The following GLI2 variants were observed in gnomAD, a reference collection of about 807,000 sequenced individuals.
GLI2 encodes transcription activator GLI2.
Under a neutral mutation model 78.9 loss-of-function variants are expected in GLI2, and 22 were observed. The observed-to-expected ratio is 0.28, with a 90% CI of 0.20 to 0.40. The LOEUF (loss-of-function observed/expected upper bound fraction) is 0.40. GLI2 is among the 10% of genes least tolerant of loss of function. The pLI, the probability that GLI2 is intolerant of heterozygous loss-of-function variation, is 1.00. For missense variants in GLI2, 2,097 were observed against 2,213.2 expected (o/e 0.95, Z 1.05); for synonymous variants, 974 against 963.7 (o/e 1.01, Z -0.20).
intron 2 of GLI2, among the ~76,000 whole-genome samples, chr2:120,841,703 G>A (rs1686879013): frequency 6.6e-6 from 1 of 152,264 alleles, no homozygotes; most frequent in Non-Finnish European, 1.5e-5. Context: ...CAGGACAGAG[G>A]AGAACTGGAC....
intron 1 of GLI2, among the ~76,000 whole-genome samples, chr2:120,789,842 C>T (rs116234995): frequency 4.8e-4 from 73 of 152,360 alleles, no homozygotes; most frequent in African/African-American, 1.4e-3. Flanking sequence ...GGGGAGCTTA[C>T]TTATCCTCTC....
At chr2:120,926,305 GGC>G (rs1679672751) in intron 2 of GLI2, among the ~76,000 whole-genome samples, 1 of 152,218 alleles carries the variant, frequency 6.6e-6, no homozygotes, top group Non-Finnish European at 1.5e-5. Flanking sequence ...GGGAGGCCGA[GGC>G]AGATGGAGGT....
intron 2 of GLI2, among the ~76,000 whole-genome samples, chr2:120,806,091 G>T (rs1365406831): frequency 6.6e-6 from 1 of 152,170 alleles, no homozygotes; most frequent in Admixed American, 6.5e-5. Context: ...CCTGTTTCCT[G>T]CATTCTGTTA....
At position 120,758,496 on chromosome 2, in the gene GLI2, G is replaced by A. The variant is rs754772785; in HGVS notation, c.-31+22211G>A. On this transcript the variant is annotated intron_variant, in intron 1 of 13. Transcript: ENST00000361492. ...CAGGACCGAGGACCCTCTCTTGTGA[G>A]GGAGTGCTGGGGCCTAGGCACAGAT... Among the ~76,000 whole-genome samples, 47 of 152,352 alleles carry A rather than the reference G, an allele frequency of 3.1e-4. No individual in the cohort carries two copies. In the Middle Eastern group the frequency reaches 0.01, roughly 33 times the overall value.
intron 2 of GLI2, among the ~76,000 whole-genome samples, chr2:120,926,992 C>T (rs1573614916): frequency 6.6e-6 from 1 of 152,346 alleles, no homozygotes; most frequent in Middle Eastern, 3.4e-3. Context: ...TGGAGCCACA[C>T]GCAGCCAGGG....
chr2:120,880,249 T>C (rs1240719707), intron 2 of GLI2, among the ~76,000 whole-genome samples: 1 of 152,198 alleles, frequency 6.6e-6, no homozygotes, highest in East Asian at 1.9e-4. Flanking sequence ...TCCAGATGCT[T>C]TGTTTTCTCT....
Position 120,943,931 on chromosome 2 carries a change from C to T in GLI2, c.255-7312C>T, listed in dbSNP as rs116124756. ...TTCTCTCACACCTTAAGGAACATGC[C>T]GGTTCTTGCCCCCACACCTTGGCTC... On this transcript the variant is annotated intron_variant, in intron 3 of 13. Transcript: ENST00000361492. Among the ~76,000 whole-genome samples, 889 of 152,254 alleles carry T rather than the reference C, an allele frequency of 5.8e-3. 8 individuals carry two copies. Among genetic ancestry groups the T allele is most frequent in the African/African-American group, 0.021 (866 of 41,534 alleles).
chr2:120,790,730 G>T lies in GLI2; in HGVS notation c.-30-6561G>T, dbSNP rs74563023. 7.4e-3 allele frequency among the ~76,000 whole-genome samples: 1,125 copies of T among 152,272 alleles called. 7 individuals are homozygous for T. Among genetic ancestry groups the T allele is most frequent in the Non-Finnish European group, 0.013 (878 of 68,020 alleles). On this transcript the variant is annotated intron_variant, in intron 1 of 13. Coordinates refer to ENST00000361492, the MANE Select transcript of GLI2 (RefSeq NM_001374353.1). ...TGGGGCTCTGCAGAGCTGTTATCCT[G>T]CTGGGCCCTAGTGAAGCCATGGCAG...
intron 3 of GLI2, among the ~76,000 whole-genome samples, chr2:120,933,342 C>T (rs1231157957): frequency 1.3e-5 from 2 of 152,188 alleles, no homozygotes; most frequent in African/African-American, 4.8e-5. Flanking sequence ...TCACCACCCA[C>T]CCGTGGACTC....
At chr2:120,780,232 C>T (rs535838357) in intron 1 of GLI2, among the ~76,000 whole-genome samples, 2 of 152,188 alleles carry the variant, frequency 1.3e-5, no homozygotes, top group Admixed American at 6.5e-5. Flanking sequence ...AGCTGGAAGG[C>T]AGACTCCTTT....
chr2:120,764,161 C>T (rs995007196), intron 1 of GLI2, among the ~76,000 whole-genome samples: 1 of 152,210 alleles, frequency 6.6e-6, no homozygotes, highest in African/African-American at 2.4e-5. Flanking sequence ...AGGCTCTGCC[C>T]TGATGGCACT....
At chr2:120,892,550 C>A (rs1034348303) in intron 2 of GLI2, among the ~76,000 whole-genome samples, 1 of 152,194 alleles carries the variant, frequency 6.6e-6, no homozygotes, top group Admixed American at 6.5e-5. Context: ...CCTCTCCTGC[C>A]GCCACCTCCT....
chr2:120,746,133 G>A (rs969630403), intron 1 of GLI2, among the ~76,000 whole-genome samples: 4 of 152,204 alleles, frequency 2.6e-5, no homozygotes, highest in Non-Finnish European at 4.4e-5. Context: ...ATCTCTCTCC[G>A]TCTTCAAGGG....
At chr2:120,797,917 A>G (rs1244326458) in intron 2 of GLI2, among the ~76,000 whole-genome samples, 2 of 152,146 alleles carry the variant, frequency 1.3e-5, no homozygotes, top group Non-Finnish European at 1.5e-5. Context: ...GGGATTTACT[A>G]TCTTAGGTGA....
chr2:120,840,974 A>G (rs1195036931), intron 2 of GLI2, among the ~76,000 whole-genome samples: 1 of 152,136 alleles, frequency 6.6e-6, no homozygotes, highest in East Asian at 1.9e-4. Flanking sequence ...ATCTGGCCCT[A>G]CGTGGCCTCT....
At chr2:120,938,187 C>G (rs1369384383) in intron 3 of GLI2, among the ~76,000 whole-genome samples, 4 of 152,166 alleles carry the variant, frequency 2.6e-5, no homozygotes, top group Non-Finnish European at 5.9e-5. Flanking sequence ...AGGGCCTCCT[C>G]CCCGGACCCA....
intron 1 of GLI2, among the ~76,000 whole-genome samples, chr2:120,775,913 G>T (rs1212347646): frequency 6.6e-6 from 1 of 152,240 alleles, no homozygotes; most frequent in Non-Finnish European, 1.5e-5. Context: ...CTTCCCCCGG[G>T]CTCCCATCCC....
At chr2:120,924,523 G>A (rs780931881) in intron 2 of GLI2, among the ~76,000 whole-genome samples, 1 of 145,756 alleles carries the variant, frequency 6.9e-6, no homozygotes, top group African/African-American at 2.6e-5. Flanking sequence ...TTCTGGATGT[G>A]CAAGGAAACA....
Position 120,988,431 on chromosome 2 carries a change from G to A in GLI2, c.2466G>A (p.Ser822=), listed in dbSNP as rs770999148. Residue 822 remains serine (S), a synonymous_variant, in exon 14 of 14, where the codon TCG becomes TCA. Coordinates refer to ENST00000361492, the MANE Select transcript of GLI2 (RefSeq NM_001374353.1). ...CCAGCCGCCGCTCCAGCGAGGCCTC[G>A]CCCCTGGGCGCCGGCCGCCCGCACA... The part of the protein sequence containing the change: ...YFSSRRSSEA[S]PLGAGRPHNA... 1.8e-5 allele frequency: 28 copies of A among 1,573,390 alleles called. No homozygotes were observed. The South Asian group carries it at 2.3e-4, about 13-fold the overall frequency.
Sources: allele counts gnomAD v4.1 joint callset (sites outside exome capture counted in the v4.1 genomes callset), GRCh38; gene constraint gnomAD v4.1.1; transcripts MANE v1.5; gene names NCBI Gene and HGNC (gene_info 2026-07-23, HGNC 2026-07-21).